Variants in ADIPOR2 observed in about 807,000 individuals in gnomAD.
ADIPOR2 encodes adiponectin receptor protein 2.
ADIPOR2 carries 18 observed loss-of-function variants against 40.9 expected under a neutral mutation model. That is an observed-to-expected ratio of 0.44 (90% CI 0.30 to 0.65). The LOEUF is 0.65. ADIPOR2 is among the 30% of genes least tolerant of loss of function. ADIPOR2 has a pLI of 0.09. For missense variants in ADIPOR2, 283 were observed against 479.2 expected (o/e 0.59, Z 3.82); for synonymous variants, 165 against 166.4 (o/e 0.99, Z 0.06).
At position 1,780,656 on chromosome 12, in the gene ADIPOR2, C is replaced by T. The variant is rs759657714; in HGVS notation, c.650+19C>T. The T allele has an allele frequency of 1.3e-6, 2 of 1,549,990 alleles. No homozygotes were observed. The highest frequency in any genetic ancestry group is 2.1e-5 in the Admixed American group (1 of 46,644). On this transcript the variant is annotated intron_variant, in intron 5 of 7. Coordinates refer to ENST00000357103, the MANE Select transcript of ADIPOR2 (RefSeq NM_024551.3). The stretch of plus-strand genomic sequence containing the variant: ...TCTCTAAGTAAGTATCTGTAAAGTC[C>T]GTATTTTGGCCAATGATTTAGAGGT...
chr12:1,716,451 A>G (rs1314998040), intron 1 of ADIPOR2, among the ~76,000 whole-genome samples: 1 of 152,208 alleles, frequency 6.6e-6, no homozygotes, highest in Admixed American at 6.5e-5. Context: ...GTAAGAGATG[A>G]TAATGTTTGG....
chr12:1,739,032 A>G (rs2094737098), intron 1 of ADIPOR2, among the ~76,000 whole-genome samples: 1 of 152,168 alleles, frequency 6.6e-6, no homozygotes, highest in African/African-American at 2.4e-5. Flanking sequence ...TTTTGGGAAA[A>G]TAACTTTAAA....
chr12:1,753,038 A>G (rs1400689242), intron 1 of ADIPOR2, among the ~76,000 whole-genome samples: 1 of 152,154 alleles, frequency 6.6e-6, no homozygotes, highest in Non-Finnish European at 1.5e-5. Context: ...GATTTATGAA[A>G]CCAACAGTTG....
At chr12:1,735,991 G>T (rs186379619) in intron 1 of ADIPOR2, among the ~76,000 whole-genome samples, 1 of 152,322 alleles carries the variant, frequency 6.6e-6, no homozygotes, top group Admixed American at 6.5e-5. Context: ...GCTGGATTCG[G>T]TTTGCCAGTA....
At position 1,772,927 on chromosome 12, in the gene ADIPOR2, A is replaced by G. The variant is rs776180995; in HGVS notation, c.257A>G (p.His86Arg). The change falls in exon 3 of 8, where the codon CAT (histidine) becomes CGT (arginine). Residue 86 changes from histidine to arginine, a missense_variant. Transcript: ENST00000357103. ...MGMSPLLQAH[H>R]AMEKMEEFVC... is the part of the protein sequence containing the mutation. ...ATGTCCCCTCTCTTACAAGCCCATC[A>G]TGCTATGGAAAAAATGGAAGAATTT... The G allele has an allele frequency of 5.0e-6, 8 of 1,613,712 alleles. No homozygotes were observed. In the Admixed American group the frequency reaches 1.3e-4, roughly 27 times the overall value.
chr12:1,692,921 G>A (rs1413430247), intron 1 of ADIPOR2, among the ~76,000 whole-genome samples: 1 of 152,106 alleles, frequency 6.6e-6, no homozygotes, highest in African/African-American at 2.4e-5. Flanking sequence ...TTGGGAGGTC[G>A]AGGCGGGCAG....
chr12:1,729,041 G>T (rs1214269570), intron 1 of ADIPOR2, among the ~76,000 whole-genome samples: 1 of 132,774 alleles, frequency 7.5e-6, no homozygotes, highest in South Asian at 2.4e-4. Flanking sequence ...CTTTGGTTCT[G>T]TGTGCTTTAA....
At chr12:1,746,316 C>G (rs2094754889) in intron 1 of ADIPOR2, among the ~76,000 whole-genome samples, 1 of 151,970 alleles carries the variant, frequency 6.6e-6, no homozygotes, top group African/African-American at 2.4e-5. Context: ...GGTAAAACTT[C>G]ATCTTTACTA....
intron 1 of ADIPOR2, among the ~76,000 whole-genome samples, chr12:1,694,221 C>T (rs953801694): frequency 6.6e-6 from 1 of 152,194 alleles, no homozygotes; most frequent in Non-Finnish European, 1.5e-5. Context: ...TGATTTCATG[C>T]AGTCTGATTT....
chr12:1,750,035 G>T (rs571213588), intron 1 of ADIPOR2, among the ~76,000 whole-genome samples: 2 of 151,808 alleles, frequency 1.3e-5, no homozygotes, highest in South Asian at 4.2e-4. Context: ...ACATGGTCTT[G>T]TTGCCCAGGC....
intron 2 of ADIPOR2, chr12:1,760,750 A>G (rs7297878): frequency 6.6e-6 from 1 of 152,254 alleles, no homozygotes; most frequent in African/African-American, 2.4e-5. Context: ...TCAGTTACCC[A>G]TGGGTCAACT....
At chr12:1,785,499 A>G (rs904916565) in intron 7 of ADIPOR2, among the ~76,000 whole-genome samples, 1 of 152,238 alleles carries the variant, frequency 6.6e-6, no homozygotes, top group Non-Finnish European at 1.5e-5. Flanking sequence ...CCATAGCTCT[A>G]GTCCTCTTGT....
intron 1 of ADIPOR2, among the ~76,000 whole-genome samples, chr12:1,695,208 C>T (rs1218162571): frequency 6.6e-6 from 1 of 151,866 alleles, no homozygotes; most frequent in Non-Finnish European, 1.5e-5. Context: ...AAAATGGGAT[C>T]AAGCCCAGTG....
At chr12:1,711,863 TG>T (rs556677593) in intron 1 of ADIPOR2, among the ~76,000 whole-genome samples, 2 of 152,292 alleles carry the variant, frequency 1.3e-5, no homozygotes, top group South Asian at 4.1e-4. Flanking sequence ...GATTTCCTTA[TG>T]GTATTTAATG....
intron 1 of ADIPOR2, among the ~76,000 whole-genome samples, chr12:1,747,108 A>G (rs1420542648): frequency 6.6e-6 from 1 of 151,282 alleles, no homozygotes; most frequent in Non-Finnish European, 1.5e-5. Context: ...AGACTTTAAC[A>G]CCGCTGTAAA....
intron 1 of ADIPOR2, among the ~76,000 whole-genome samples, chr12:1,704,770 C>T (rs2154441529): frequency 6.6e-6 from 1 of 152,236 alleles, no homozygotes; most frequent in East Asian, 1.9e-4. Flanking sequence ...GTTTTTATTA[C>T]ACTTTTAGTC....
rs12342 is a variant in ADIPOR2 at position 1,787,714 on chromosome 12, C to T, written c.*1642C>T. ...TGGAGGTCCTGAGCATGGGGACTGG[C>T]GTCCTCAGTAGGTGTTTGGGAATAT... On this transcript the variant is annotated 3_prime_UTR_variant, in exon 8 of 8. Coordinates refer to ENST00000357103, the MANE Select transcript of ADIPOR2 (RefSeq NM_024551.3). The T allele has an allele frequency of 0.31, 47,546 of 152,086 alleles. 8,176 individuals are homozygous for T. The highest frequency in any genetic ancestry group is 0.49 in the East Asian group (2,538 of 5,170). 9.4% of individuals were successfully genotyped at this position (152,086 alleles called of 1,614,324 possible). A position where few individuals can be genotyped will look rare whatever the true frequency, so the allele number is the denominator to read the frequency against.
chr12:1,771,357 A>G (rs905267628), intron 2 of ADIPOR2, among the ~76,000 whole-genome samples: 2 of 151,726 alleles, frequency 1.3e-5, no homozygotes, highest in African/African-American at 4.8e-5. Flanking sequence ...ACAGAGCAAG[A>G]CCCTGGGGTC....
intron 2 of ADIPOR2, among the ~76,000 whole-genome samples, chr12:1,759,081 A>G (rs749380015): frequency 3.7e-4 from 11 of 29,582 alleles, no homozygotes; most frequent in Non-Finnish European, 7.7e-4. Context: ...TCAGTCCCTG[A>G]GTTGTTTATA....
Sources: gnomAD v4.1 joint callset for allele counts (sites outside exome capture counted in the v4.1 genomes callset) on GRCh38, gnomAD v4.1.1 for gene constraint, MANE v1.5 for transcripts, NCBI Gene and HGNC (gene_info 2026-07-23, HGNC 2026-07-21) for gene names.